Variants in NCKAP5 observed in about 807,000 individuals in gnomAD.
NCKAP5 encodes nck-associated protein 5.
NCKAP5 carries 92 observed loss-of-function variants against 167.0 expected under a neutral mutation model. The observed-to-expected ratio is 0.55, with a 90% CI of 0.47 to 0.66. The LOEUF (loss-of-function observed/expected upper bound fraction) is 0.66. Ranked by LOEUF, NCKAP5 falls within the 30% of genes least tolerant of loss-of-function variation. The pLI is 0.00. For synonymous variants in NCKAP5, 891 were observed against 877.4 expected, an observed-to-expected ratio of 1.02 and a Z score of -0.27; for missense variants, 2,378 against 2,315.0, an observed-to-expected ratio of 1.03 and a Z score of -0.56.
intron 6 of NCKAP5, among the ~76,000 whole-genome samples, chr2:133,013,997 A>G (rs569405302): frequency 8.5e-5 from 13 of 152,222 alleles, no homozygotes; most frequent in African/African-American, 3.1e-4. Flanking sequence ...CAATGCCTCT[A>G]TTTCCTGTCC....
At chr2:132,810,462 C>G (rs552893728) in intron 11 of NCKAP5, among the ~76,000 whole-genome samples, 2 of 152,210 alleles carry the variant, frequency 1.3e-5, no homozygotes, top group South Asian at 4.2e-4. Context: ...AGGCTTTGTT[C>G]ATATTTTCTT....
At chr2:133,077,614 C>T (rs1477448946) in intron 6 of NCKAP5, among the ~76,000 whole-genome samples, 1 of 152,102 alleles carries the variant, frequency 6.6e-6, no homozygotes, top group East Asian at 1.9e-4. Context: ...GACATTTTCT[C>T]GTAATGTAAT....
At chr2:133,320,816 T>C (rs1021375953) in intron 3 of NCKAP5, among the ~76,000 whole-genome samples, 1 of 152,176 alleles carries the variant, frequency 6.6e-6, no homozygotes, top group Non-Finnish European at 1.5e-5. Flanking sequence ...GAATGAGACA[T>C]GTTCCATAGC....
At chr2:133,340,933 C>A (rs989230238) in intron 3 of NCKAP5, among the ~76,000 whole-genome samples, 1 of 152,168 alleles carries the variant, frequency 6.6e-6, no homozygotes, top group Non-Finnish European at 1.5e-5. Context: ...ACTTCTCATG[C>A]AACACTGCAA....
intron 6 of NCKAP5, among the ~76,000 whole-genome samples, chr2:133,105,492 C>A (rs2081654175): frequency 6.6e-6 from 1 of 152,198 alleles, no homozygotes; most frequent in African/African-American, 2.4e-5. Context: ...GGGAGAATTT[C>A]CTCTCTCTAC....
chr2:133,022,079 A>C (rs2078548490), intron 6 of NCKAP5, among the ~76,000 whole-genome samples: 1 of 152,232 alleles, frequency 6.6e-6, no homozygotes, highest in Non-Finnish European at 1.5e-5. Flanking sequence ...ACTTGATGGG[A>C]TGTCACTTCG....
chr2:133,513,983 C>T (rs889634514), intron 3 of NCKAP5, among the ~76,000 whole-genome samples: 2 of 152,112 alleles, frequency 1.3e-5, no homozygotes, highest in African/African-American at 4.8e-5. Flanking sequence ...ATGAGTCTTG[C>T]AAATAAAAGA....
chr2:133,188,907 T>C (rs1335329236), intron 5 of NCKAP5, among the ~76,000 whole-genome samples: 1 of 152,086 alleles, frequency 6.6e-6, no homozygotes, highest in East Asian at 1.9e-4. Context: ...ATTCAAAAGC[T>C]AGCAGACGGC....
In NCKAP5 at chr2:132,782,770, G is replaced by A. The variant is rs566601823; in HGVS notation, c.4041C>T (p.Ser1347=). The A allele has an allele frequency of 8.2e-5, 132 of 1,613,802 alleles. No homozygotes were observed. In the East Asian group the frequency reaches 1.4e-3, roughly 17 times the overall value. The change falls in exon 14 of 20, where the codon TCC becomes TCT. Residue 1347 remains serine (S), a synonymous_variant. Transcript: ENST00000409261. ...CTGAGCTCCCCAGGGAGCCCTTCCC[G>A]GAGGAGGGGTGCCCCGAGGGCCTCC... ...SVGRPSGHPS[S]GKGSLGSSGS... is the part of the protein sequence containing the mutation.
At chr2:133,160,425 TTTC>T (rs1559207740) in intron 5 of NCKAP5, among the ~76,000 whole-genome samples, 27 of 136,494 alleles carry the variant, frequency 2.0e-4, no homozygotes, top group East Asian at 1.9e-3. Flanking sequence ...TTTTTTTTCT[TTTC>T]CTTTCTTTTT....
chr2:133,016,583 G>C (rs1044722839), intron 6 of NCKAP5, among the ~76,000 whole-genome samples: 1 of 152,250 alleles, frequency 6.6e-6, no homozygotes, highest in Admixed American at 6.5e-5. Context: ...TGCTATAGAA[G>C]AAAGCGCGGT....
chr2:133,199,506 A>C (rs2085580539), intron 5 of NCKAP5, among the ~76,000 whole-genome samples: 1 of 152,096 alleles, frequency 6.6e-6, no homozygotes, highest in Non-Finnish European at 1.5e-5. Context: ...AAGGTAATGC[A>C]AATTAATGCC....
chr2:133,236,255 G>A (rs1460991182), intron 4 of NCKAP5, among the ~76,000 whole-genome samples: 5 of 152,072 alleles, frequency 3.3e-5, no homozygotes, highest in African/African-American at 1.2e-4. Context: ...ATAAGGTTAT[G>A]CACTGATCAG....
At chr2:133,466,027 G>T (rs1692558353) in intron 3 of NCKAP5, among the ~76,000 whole-genome samples, 1 of 151,720 alleles carries the variant, frequency 6.6e-6, no homozygotes, top group Admixed American at 6.6e-5. Context: ...GATCCCATTT[G>T]TCAATTTTGT....
the NCKAP5 span, among the ~76,000 whole-genome samples, chr2:133,611,487 G>C: frequency 6.6e-6 from 1 of 152,140 alleles, no homozygotes; most frequent in South Asian, 2.1e-4. Context: ...CCAAGATTCT[G>C]TGTTTTCACT....
intron 6 of NCKAP5, among the ~76,000 whole-genome samples, chr2:133,065,437 C>T (rs2080159300): frequency 6.6e-6 from 1 of 151,924 alleles, no homozygotes; most frequent in Non-Finnish European, 1.5e-5. Context: ...CCATCCTGGC[C>T]AACATGGTGA....
intron 5 of NCKAP5, among the ~76,000 whole-genome samples, chr2:133,205,764 T>C (rs1275737248): frequency 2.0e-5 from 3 of 152,072 alleles, no homozygotes; most frequent in Non-Finnish European, 2.9e-5. Context: ...GCCATATATA[T>C]ATATCTCTTT....
At chr2:133,308,935 C>T (rs1265028824) in intron 3 of NCKAP5, among the ~76,000 whole-genome samples, 1 of 150,974 alleles carries the variant, frequency 6.6e-6, no homozygotes, top group African/African-American at 2.4e-5. Flanking sequence ...TGGTCTCGAT[C>T]TCCTGACCTC....
chr2:132,687,810 GA>G (rs149525710), intron 19 of NCKAP5, among the ~76,000 whole-genome samples: 9,580 of 148,414 alleles, frequency 0.065, 342 homozygotes, highest in East Asian at 0.12. Flanking sequence ...TTAAGCAAGG[GA>G]AAAAAAAATA....
Sources: gnomAD v4.1 joint callset for allele counts (sites outside exome capture counted in the v4.1 genomes callset) on GRCh38, gnomAD v4.1.1 for gene constraint, MANE v1.5 for transcripts, NCBI Gene and HGNC (gene_info 2026-07-23, HGNC 2026-07-21) for gene names.